SMURF1: variants seen among roughly 807,000 people sequenced by gnomAD.
SMURF1 encodes the protein E3 ubiquitin-protein ligase SMURF1.
In SMURF1, 44 loss-of-function variants were observed where a neutral mutation model predicts 98.0. The ratio of observed to expected loss-of-function variants is 0.45; its 90% confidence interval spans 0.35 to 0.58. SMURF1 has a LOEUF of 0.58. Ranked by LOEUF, SMURF1 falls within the 20% of genes least tolerant of loss-of-function variation. The pLI, the probability that SMURF1 is intolerant of heterozygous loss-of-function variation, is 0.00. For synonymous variants in SMURF1, 396 were observed against 374.9 expected, an observed-to-expected ratio of 1.06 and a Z score of -0.65; for missense variants, 687 against 938.4, an observed-to-expected ratio of 0.73 and a Z score of 3.50.
In SMURF1 at chr7:99,050,859, C is replaced by G. The variant is rs920399052; in HGVS notation, c.806+498G>C. On this transcript the variant is annotated intron_variant, in intron 8 of 17. Transcript: ENST00000361368. ...TGCTATTCTAAAAGGAAATAAAAAG[C>G]AAAAGAAAAAAAGAAACTTAACTCT... 2.3e-6 allele frequency: 3 copies of G among 1,320,516 alleles called. No individual in the cohort carries two copies. In the African/African-American group the frequency reaches 4.9e-5, roughly 21 times the overall value. The allele number at this position is 1,320,516 out of a possible 1,614,324, so 81.8% of individuals were successfully genotyped here. A position where few individuals can be genotyped will look rare whatever the true frequency, so the allele number is the denominator to read the frequency against.
At chr7:99,042,516 C>T (rs889293172) in intron 11 of SMURF1, among the ~76,000 whole-genome samples, 5 of 152,120 alleles carry the variant, frequency 3.3e-5, no homozygotes, top group African/African-American at 1.2e-4. Flanking sequence ...CTCAAATGAT[C>T]CACCCATCTC....
intron 1 of SMURF1, among the ~76,000 whole-genome samples, chr7:99,080,796 T>C (rs1419523162): frequency 1.3e-5 from 2 of 152,170 alleles, no homozygotes; most frequent in Non-Finnish European, 2.9e-5. Context: ...ATTCCTCCAG[T>C]GCTGCCAACA....
At chr7:99,069,514 C>T (rs112305508) in intron 1 of SMURF1, among the ~76,000 whole-genome samples, 1,528 of 152,238 alleles carry the variant, frequency 0.01, 31 homozygotes, top group African/African-American at 0.034. Flanking sequence ...CATGCACCAC[C>T]ACCCCTGACT....
At chr7:99,103,791 C>A (rs1797139100) in intron 1 of SMURF1, among the ~76,000 whole-genome samples, 1 of 151,758 alleles carries the variant, frequency 6.6e-6, no homozygotes, top group African/African-American at 2.4e-5. Context: ...CAGTAGGACA[C>A]AAAACTTCAA....
intron 1 of SMURF1, among the ~76,000 whole-genome samples, chr7:99,136,716 T>G (rs1798000804): frequency 2.0e-5 from 3 of 152,170 alleles, no homozygotes; most frequent in Admixed American, 2.0e-4. Flanking sequence ...TTTGGGAGGC[T>G]GAGGCAGGTG....
At chr7:99,034,409 C>T (rs1795043617) in intron 16 of SMURF1, among the ~76,000 whole-genome samples, 1 of 152,202 alleles carries the variant, frequency 6.6e-6, no homozygotes, top group Non-Finnish European at 1.5e-5. Context: ...AGCATGTGGA[C>T]CTGCTGTGGG....
intron 17 of SMURF1, chr7:99,031,385 T>C (rs553346539): frequency 6.6e-6 from 1 of 152,330 alleles, no homozygotes; most frequent in East Asian, 1.9e-4. Context: ...GAAAAAGACA[T>C]CCTTTAAGAA....
At chr7:99,115,623 T>TA (rs1346980064) in intron 1 of SMURF1, among the ~76,000 whole-genome samples, 9 of 150,764 alleles carry the variant, frequency 6.0e-5, no homozygotes, top group East Asian at 1.9e-4. Flanking sequence ...CTACTCAACT[T>TA]AAAAAAAAAT....
intron 10 of SMURF1, among the ~76,000 whole-genome samples, chr7:99,046,621 A>G (rs1038625697): frequency 1.3e-5 from 2 of 151,322 alleles, no homozygotes; most frequent in African/African-American, 4.9e-5. Context: ...AATCCCAGCT[A>G]CACGGGAGGC....
chr7:99,104,477 C>T (rs957887395), intron 1 of SMURF1, among the ~76,000 whole-genome samples: 1 of 152,222 alleles, frequency 6.6e-6, no homozygotes, highest in Middle Eastern at 3.4e-3. Flanking sequence ...TACTAACCCA[C>T]GTGATCTTGG....
rs75493365 is a variant in SMURF1 at position 99,051,059 on chromosome 7, T to G, written c.806+298A>C. ...ACAGAGTCTTTATATTTCCTTGACT[T>G]ATGATGGAAAATTTTAAGCATATAA... On this transcript the variant is annotated intron_variant, in intron 8 of 17. Coordinates refer to ENST00000361368, the MANE Select transcript of SMURF1 (RefSeq NM_181349.3). 3.2e-4 allele frequency: 450 copies of G among 1,405,732 alleles called. 2 individuals carry two copies. In the African/African-American group the frequency reaches 6.0e-3, roughly 19 times the overall value. The allele number at this position is 1,405,732 out of a possible 1,614,324, so 87.1% of individuals were successfully genotyped here.
intron 1 of SMURF1, among the ~76,000 whole-genome samples, chr7:99,109,869 C>T (rs921772567): frequency 6.6e-6 from 1 of 152,158 alleles, no homozygotes; most frequent in Admixed American, 6.6e-5. Context: ...TAATATCTCG[C>T]TTCATGGACA....
chr7:99,103,287 C>T (rs750481944), intron 1 of SMURF1, among the ~76,000 whole-genome samples: 1 of 152,164 alleles, frequency 6.6e-6, no homozygotes, highest in African/African-American at 2.4e-5. Flanking sequence ...TGTTCATACA[C>T]ATGTGGCCCT....
chr7:99,131,693 G>C (rs901969458), intron 1 of SMURF1, among the ~76,000 whole-genome samples: 1 of 152,090 alleles, frequency 6.6e-6, no homozygotes, highest in East Asian at 1.9e-4. Flanking sequence ...CTCCAGCCTG[G>C]GCGACAGAAC....
At chr7:99,061,915 AC>A (rs1796043072) in intron 1 of SMURF1, 78 bp from the exon 2 acceptor site, 1 of 1,038,258 alleles carries the variant, frequency 9.6e-7, no homozygotes, top group African/African-American at 1.6e-5. Context: ...TTACACCCGA[AC>A]AAAAAGACTC....
intron 12 of SMURF1, among the ~76,000 whole-genome samples, chr7:99,041,507 A>G (rs992868132): frequency 5.9e-5 from 9 of 152,214 alleles, no homozygotes; most frequent in Non-Finnish European, 8.8e-5. Flanking sequence ...CAAAAAATGA[A>G]TCAAAACTCT....
chr7:99,081,612 C>T (rs1796578804), intron 1 of SMURF1, among the ~76,000 whole-genome samples: 1 of 152,100 alleles, frequency 6.6e-6, no homozygotes, highest in Admixed American at 6.6e-5. Flanking sequence ...ATAAAAGTTC[C>T]AATTTCACCA....
rs180973198 is a variant in SMURF1, at chr7:99,128,924, C to G, written c.55+14802G>C. On this transcript the variant is annotated intron_variant, in intron 1 of 17. Coordinates refer to ENST00000361368, the MANE Select transcript of SMURF1 (RefSeq NM_181349.3). Reference sequence around the variant, plus strand: ...GGTGTTATATAATCCATTATTTAAGCCTACAGAATAAATGAGTGATTATTA... The same window carrying G: ...GGTGTTATATAATCCATTATTTAAGGCTACAGAATAAATGAGTGATTATTA... Among the ~76,000 whole-genome samples, 481 of 152,192 alleles carry G rather than the reference C, an allele frequency of 3.2e-3. 4 individuals are homozygous for G. The highest frequency in any genetic ancestry group is 1.7e-3 in the Non-Finnish European group (116 of 68,008).
Position 99,045,703 on chromosome 7 carries a change from C to T in SMURF1, c.1251G>A (p.Val417=). Residue 417 remains valine (V), a synonymous_variant, in exon 11 of 18, where the codon GTG becomes GTA. Transcript: ENST00000361368. ...TGAATGAACAAGCAGCTCACCTGGC[C>T]ACACCACCGTAATCCAAACCTTCTT... is the stretch of plus-strand genomic sequence containing the variant. ...RGEEGLDYGG[V]AREWLYLLCH... is the part of the protein sequence containing the mutation. 1.2e-6 allele frequency: 2 copies of T among 1,613,784 alleles called. No homozygotes were observed. Among genetic ancestry groups the T allele is most frequent in the Non-Finnish European group, 1.7e-6 (2 of 1,179,646 alleles).
Sources: gnomAD v4.1 joint callset for allele counts (sites outside exome capture counted in the v4.1 genomes callset) on GRCh38, gnomAD v4.1.1 for gene constraint, MANE v1.5 for transcripts, NCBI Gene and HGNC (gene_info 2026-07-23, HGNC 2026-07-21) for gene names.